Variants in INSL6 observed in about 807,000 individuals in gnomAD.
INSL6 encodes insulin like 6.
In INSL6, 16 loss-of-function variants were observed where a neutral mutation model predicts 9.4. The ratio of observed to expected loss-of-function variants is 1.70; its 90% CI spans 1.15 to 2.59. The LOEUF (loss-of-function observed/expected upper bound fraction) is 2.59. Among genes scored for constraint, INSL6 ranks in the 30% most tolerant of loss-of-function variants. INSL6 has a pLI of 0.00. For missense variants in INSL6, 391 were observed against 257.3 expected (o/e 1.52, Z -3.56); for synonymous variants, 154 against 96.9 (o/e 1.59, Z -3.46).
chr9:5,038,249 AAGAAC>A, the INSL6 span, among the ~76,000 whole-genome samples: 4 of 152,228 alleles, frequency 2.6e-5, no homozygotes. Context: ...TGCTAAAAGA[AAGAAC>A]AGAAAGTTTG....
At chr9:5,106,186 T>G in the INSL6 span, among the ~76,000 whole-genome samples, 11 of 151,734 alleles carry the variant, frequency 7.2e-5, no homozygotes, top group Non-Finnish European at 1.5e-5. Context: ...ATATCCAAAA[T>G]CTACAAAGAA....
chr9:5,058,465 C>G, the INSL6 span, among the ~76,000 whole-genome samples: 16 of 152,108 alleles, frequency 1.1e-4, no homozygotes, highest in African/African-American at 3.9e-4. Context: ...GGGAAACAAC[C>G]CCCATGATTC....
chr9:5,038,828 C>A, the INSL6 span, among the ~76,000 whole-genome samples: 2 of 151,960 alleles, frequency 1.3e-5, no homozygotes, highest in Non-Finnish European at 2.9e-5. Flanking sequence ...GGATTTATCC[C>A]AGGAAATACA....
At chr9:5,027,790 C>T in the INSL6 span, among the ~76,000 whole-genome samples, 1 of 152,204 alleles carries the variant, frequency 6.6e-6, no homozygotes, top group African/African-American at 2.4e-5. Flanking sequence ...ACTTTCTTTG[C>T]TCATCCATAA....
chr9:5,096,330 G>T, the INSL6 span, among the ~76,000 whole-genome samples: 3 of 152,124 alleles, frequency 2.0e-5, no homozygotes, highest in East Asian at 5.8e-4. Flanking sequence ...CTTAATTTCT[G>T]TAACAAACCC....
chr9:5,131,100 A>G (rs983828644), intron 3 of INSL6, among the ~76,000 whole-genome samples: 2 of 152,210 alleles, frequency 1.3e-5, no homozygotes, highest in African/African-American at 4.8e-5. Context: ...ATGAAAAACA[A>G]TGAAGTTAAA....
intron 3 of INSL6, among the ~76,000 whole-genome samples, chr9:5,128,512 A>C (rs1824148631): frequency 6.6e-6 from 1 of 151,896 alleles, no homozygotes; most frequent in Non-Finnish European, 1.5e-5. Flanking sequence ...TCAGATTTTC[A>C]TACTAAAACT....
chr9:5,179,685 TC>T (rs2130920908), intron 1 of INSL6, among the ~76,000 whole-genome samples: 1 of 152,336 alleles, frequency 6.6e-6, no homozygotes, highest in South Asian at 2.1e-4. Flanking sequence ...TGAGATCATG[TC>T]CTTTGCAGGG....
At chr9:5,164,334 A>T (rs1824998150) in intron 1 of INSL6, 69 bp from the exon 2 acceptor site, 3 of 973,072 alleles carry the variant, frequency 3.1e-6, no homozygotes, top group Non-Finnish European at 4.7e-6. Context: ...TTAATATTGG[A>T]ACAGTAAAAT....
At chr9:5,172,061 G>T (rs935019272) in intron 1 of INSL6, among the ~76,000 whole-genome samples, 9 of 152,130 alleles carry the variant, frequency 5.9e-5, no homozygotes, top group Non-Finnish European at 8.8e-5. Flanking sequence ...CTGAAGGGAG[G>T]CATCACACTA....
chr9:5,147,896 G>C (rs1824632991), intron 2 of INSL6, among the ~76,000 whole-genome samples: 1 of 152,134 alleles, frequency 6.6e-6, no homozygotes, highest in African/African-American at 2.4e-5. Flanking sequence ...AATAAGTTCA[G>C]TTTGAGTCTT....
chr9:5,147,666 T>TC (rs1564040767), intron 2 of INSL6, among the ~76,000 whole-genome samples: 3 of 151,936 alleles, frequency 2.0e-5, no homozygotes, highest in African/African-American at 7.3e-5. Flanking sequence ...AAGTTTCTTA[T>TC]TCTCTTTCTC....
intron 1 of INSL6, among the ~76,000 whole-genome samples, chr9:5,179,957 A>G (rs1206959545): frequency 6.6e-6 from 1 of 152,188 alleles, no homozygotes; most frequent in Non-Finnish European, 1.5e-5. Flanking sequence ...ACATTTATCT[A>G]TGTAACAAAC....
chr9:5,053,867 G>A, the INSL6 span, among the ~76,000 whole-genome samples: 1 of 152,000 alleles, frequency 6.6e-6, no homozygotes. Context: ...TAACTAGATA[G>A]GAGATGGATG....
chr9:5,020,666 T>C, the INSL6 span, among the ~76,000 whole-genome samples: 1 of 152,154 alleles, frequency 6.6e-6, no homozygotes, highest in South Asian at 2.1e-4. Flanking sequence ...GGCAGCAGCC[T>C]GCAATGGTGG....
At chr9:5,170,687 A>C (rs984532947) in intron 1 of INSL6, among the ~76,000 whole-genome samples, 2 of 152,014 alleles carry the variant, frequency 1.3e-5, no homozygotes, top group African/African-American at 4.8e-5. Context: ...AAATACAAAC[A>C]ACCATCAGAT....
chr9:5,007,954 C>T, the INSL6 span, among the ~76,000 whole-genome samples: 3 of 152,022 alleles, frequency 2.0e-5, no homozygotes, highest in Non-Finnish European at 2.9e-5. Flanking sequence ...GCCTGGAATT[C>T]CTGACCTCAA....
chr9:5,048,811 CAAGAG>C, the INSL6 span, among the ~76,000 whole-genome samples: 1 of 152,090 alleles, frequency 6.6e-6, no homozygotes, highest in Non-Finnish European at 1.5e-5. Flanking sequence ...GTTATTACAT[CAAGAG>C]AAGAGAAATA....
chr9:5,137,757 G>A (rs1050474152), intron 2 of INSL6, among the ~76,000 whole-genome samples: 2 of 152,094 alleles, frequency 1.3e-5, no homozygotes, highest in African/African-American at 4.8e-5. Context: ...TTAAACTAAA[G>A]AGCTTCTGTA....
Sources: gnomAD v4.1 joint callset for allele counts (sites outside exome capture counted in the v4.1 genomes callset) on GRCh38, gnomAD v4.1.1 for gene constraint, MANE v1.5 for transcripts, NCBI Gene and HGNC (gene_info 2026-07-23, HGNC 2026-07-21) for gene names.